ADCY9: variants seen among roughly 807,000 people sequenced by gnomAD.
The protein encoded by ADCY9 is adenylate cyclase 9.
A neutral mutation model predicts 101.5 loss-of-function variants in ADCY9; 50 were observed. That is an observed-to-expected ratio of 0.49 (90% confidence interval 0.39 to 0.62). The LOEUF (loss-of-function observed/expected upper bound fraction) is 0.62, where lower values mean the gene tolerates loss of function less well. Ranked by LOEUF, ADCY9 falls within the 20% of genes least tolerant of loss-of-function variation. The pLI is 0.00. For missense variants in ADCY9, 1,662 were observed against 1,800.4 expected (o/e 0.92, Z 1.39); for synonymous variants, 905 against 769.3 (o/e 1.18, Z -2.92).
intron 2 of ADCY9, among the ~76,000 whole-genome samples, chr16:4,097,487 T>TATAC (rs76750792): frequency 1.7e-3 from 121 of 72,458 alleles, no homozygotes; most frequent in Non-Finnish European, 2.0e-3. Flanking sequence ...TATATATATA[T>TATAC]ACACACACAC....
At chr16:4,062,028 G>A (rs2141161272) in intron 2 of ADCY9, among the ~76,000 whole-genome samples, 1 of 152,122 alleles carries the variant, frequency 6.6e-6, no homozygotes, top group East Asian at 1.9e-4. Flanking sequence ...ATCTACAGTA[G>A]ACTGTGAGCT....
intron 3 of ADCY9, among the ~76,000 whole-genome samples, chr16:4,003,415 G>A (rs1306453238): frequency 2.6e-5 from 4 of 152,100 alleles, no homozygotes; most frequent in African/African-American, 4.8e-5. Flanking sequence ...TGCCGAGTGT[G>A]AGCGAGGCTT....
downstream of ADCY9, among the ~76,000 whole-genome samples, chr16:3,958,844 T>C (rs1279436642): frequency 1.3e-5 from 2 of 151,568 alleles, no homozygotes; most frequent in Non-Finnish European, 2.9e-5. Context: ...CTGATTTGAT[T>C]TTTGTATTTT....
rs1252613896 is a variant in ADCY9 at position 3,963,429 on chromosome 16, CG to C, written c.*2345del. On this transcript the variant is annotated 3_prime_UTR_variant, in exon 11 of 11. Coordinates refer to ENST00000294016, the MANE Select transcript of ADCY9 (RefSeq NM_001116.4). ...CTGAGGTATGCATCGGAGCAGGGGACGGGGAGGACCCGAGGGGCTTCGTGGC... is the reference window on the plus strand; with the variant it reads ...CTGAGGTATGCATCGGAGCAGGGGACGGGAGGACCCGAGGGGCTTCGTGGC... 8 of 398,072 alleles carry C rather than the reference CG, an allele frequency of 2.0e-5. No individual in the cohort carries two copies. The highest frequency in any genetic ancestry group is 1.0e-4 in the African/African-American group (5 of 48,646). 24.7% of individuals were successfully genotyped at this position (398,072 alleles called of 1,614,324 possible).
intron 10 of ADCY9, among the ~76,000 whole-genome samples, chr16:3,968,286 C>T (rs2056017264): frequency 6.6e-6 from 1 of 152,008 alleles, no homozygotes; most frequent in Non-Finnish European, 1.5e-5. Context: ...ACATGTGCCA[C>T]CACACCCAGC....
intron 2 of ADCY9, among the ~76,000 whole-genome samples, chr16:4,011,997 G>GT (rs1233993813): frequency 2.6e-5 from 4 of 152,322 alleles, no homozygotes; most frequent in South Asian, 2.1e-4. Flanking sequence ...TTTGATCTGC[G>GT]TATCACTGGA....
At chr16:4,003,806 G>A (rs573689227) in intron 3 of ADCY9, among the ~76,000 whole-genome samples, 2 of 152,098 alleles carry the variant, frequency 1.3e-5, no homozygotes, top group African/African-American at 2.4e-5. Context: ...GCCGTGGTCC[G>A]CCTCCCCTCC....
intron 2 of ADCY9, among the ~76,000 whole-genome samples, chr16:4,100,964 T>G (rs1187417015): frequency 6.6e-6 from 1 of 152,184 alleles, no homozygotes; most frequent in Non-Finnish European, 1.5e-5. Context: ...TTGCTGCCAC[T>G]GCTAAGAAAA....
At chr16:4,037,800 A>C (rs1257471527) in intron 2 of ADCY9, among the ~76,000 whole-genome samples, 3 of 152,230 alleles carry the variant, frequency 2.0e-5, no homozygotes, top group Admixed American at 1.3e-4. Context: ...TGTACTACAG[A>C]GTCCTACACA....
intron 2 of ADCY9, among the ~76,000 whole-genome samples, chr16:4,026,352 A>C (rs2056514810): frequency 7.0e-6 from 1 of 142,548 alleles, no homozygotes; most frequent in Non-Finnish European, 1.5e-5. Flanking sequence ...TGAACCCGGG[A>C]GGCGGACATT....
At chr16:3,960,463 A>G (rs541161800), downstream of ADCY9, among the ~76,000 whole-genome samples, 66 of 151,920 alleles carry the variant, frequency 4.3e-4, 2 homozygotes, top group African/African-American at 1.5e-3. Flanking sequence ...CGGAGGTTGC[A>G]GTGAGCTGAG....
intron 10 of ADCY9, among the ~76,000 whole-genome samples, chr16:3,968,565 A>C (rs1305519381): frequency 6.6e-6 from 1 of 152,184 alleles, no homozygotes; most frequent in Non-Finnish European, 1.5e-5. Flanking sequence ...CTTTTTGCCG[A>C]AATCACTCAG....
intron 7 of ADCY9, among the ~76,000 whole-genome samples, chr16:3,980,900 C>G (rs945590818): frequency 2.6e-5 from 4 of 152,186 alleles, no homozygotes; most frequent in Admixed American, 6.5e-5. Flanking sequence ...AGACCTCACG[C>G]CTGCTGGGGC....
chr16:3,962,363 C>T (rs2055945366), downstream of ADCY9, among the ~76,000 whole-genome samples: 5 of 152,152 alleles, frequency 3.3e-5, no homozygotes, highest in South Asian at 1.0e-3. Context: ...GGGAAAATCT[C>T]ACAAGCAAAA....
At chr16:4,024,688 G>A (rs1018751482) in intron 2 of ADCY9, among the ~76,000 whole-genome samples, 9 of 152,104 alleles carry the variant, frequency 5.9e-5, no homozygotes, top group Admixed American at 4.6e-4. Context: ...AGTGGCCTTA[G>A]GTCAGGTTCA....
At chr16:4,071,283 T>C (rs1402951442) in intron 2 of ADCY9, among the ~76,000 whole-genome samples, 1 of 128,344 alleles carries the variant, frequency 7.8e-6, no homozygotes, top group African/African-American at 3.0e-5. Flanking sequence ...TGAGCAGAGA[T>C]GGTGCTACTT....
At chr16:4,071,160 T>A (rs2056831212) in intron 2 of ADCY9, among the ~76,000 whole-genome samples, 1 of 143,090 alleles carries the variant, frequency 7.0e-6, no homozygotes, top group East Asian at 2.0e-4. Flanking sequence ...TAATATCCCA[T>A]CTCTCCTAAA....
chr16:4,112,491 G>T (rs1247079835), intron 2 of ADCY9, among the ~76,000 whole-genome samples: 1 of 152,096 alleles, frequency 6.6e-6, no homozygotes. Flanking sequence ...TGGACACATA[G>T]GATGATCTCA....
chr16:4,078,390 C>T lies in ADCY9; in HGVS notation c.1693+35360G>A, dbSNP rs1320078413. Among the ~76,000 whole-genome samples the T allele has an allele frequency of 4.6e-5, 7 of 151,942 alleles. No individual in the cohort carries two copies. The East Asian group carries it at 1.2e-3, about 25-fold the overall frequency. On this transcript the variant is annotated intron_variant, in intron 2 of 10. Transcript: ENST00000294016. ...CAGACTGGGCAATATAATGAGACCT[C>T]CATCTCTACAAAATACTTAAAAATT...
Sources: gnomAD v4.1 joint callset for allele counts (sites outside exome capture counted in the v4.1 genomes callset) on GRCh38, gnomAD v4.1.1 for gene constraint, MANE v1.5 for transcripts, NCBI Gene and HGNC (gene_info 2026-07-23, HGNC 2026-07-21) for gene names.